Variants in ITGA6 observed in about 807,000 individuals in gnomAD.
ITGA6 encodes integrin alpha-6.
A neutral mutation model predicts 133.6 loss-of-function variants in ITGA6; 63 were observed. That is an observed-to-expected ratio of 0.47 (90% CI 0.38 to 0.58). ITGA6 has a LOEUF of 0.58. ITGA6 is among the 20% of genes least tolerant of loss of function. The pLI is 0.00. For missense variants in ITGA6, 1,068 were observed against 1,309.4 expected, an observed-to-expected ratio of 0.82 and a Z score of 2.85; for synonymous variants, 434 against 482.0, an observed-to-expected ratio of 0.90 and a Z score of 1.30.
chr2:172,428,083 G>A (rs567954192), intron 1 of ITGA6, 113 bp downstream of exon 1: 2 of 1,063,158 alleles, frequency 1.9e-6, no homozygotes, highest in South Asian at 3.0e-5. Flanking sequence ...CGTGGGTCGC[G>A]CCCGGGCCGG....
In ITGA6 at chr2:172,504,090, G is replaced by C. The variant is rs570744293; in HGVS notation, c.*23-1G>C. On this transcript the variant is annotated splice_acceptor_variant, in intron 25 of 25. Transcript: ENST00000684293. LOFTEE classifies it low-confidence loss of function (3UTR_SPLICE). ...TCTCTTTCTCTTTCCCTCTTCTCTA[G>C]TGTGGATTCTTTAAACGCTCTAGGT... The C allele has an allele frequency of 6.3e-7, 1 of 1,576,208 alleles. No homozygotes were observed. Among genetic ancestry groups the C allele is most frequent in the South Asian group, 1.2e-5 (1 of 84,004 alleles).
intron 1 of ITGA6, among the ~76,000 whole-genome samples, chr2:172,435,590 C>T (rs964272445): frequency 2.0e-5 from 3 of 149,446 alleles, no homozygotes; most frequent in Admixed American, 6.7e-5. Context: ...AGCTTTGCCA[C>T]GACACAAAAC....
chr2:172,456,378 C>T (rs12995911), intron 1 of ITGA6, among the ~76,000 whole-genome samples: 1,701 of 152,280 alleles, frequency 0.011, 9 homozygotes, highest in Non-Finnish European at 0.017. Flanking sequence ...AGATTTGAAG[C>T]GTGGTGCTGT....
chr2:172,448,069 A>T (rs767325871), intron 1 of ITGA6, among the ~76,000 whole-genome samples: 2 of 152,132 alleles, frequency 1.3e-5, no homozygotes, highest in Non-Finnish European at 2.9e-5. Context: ...TCACTAGAAA[A>T]TGGGTTTAGT....
chr2:172,483,472 G>A (rs1686536623), intron 11 of ITGA6, among the ~76,000 whole-genome samples: 1 of 152,152 alleles, frequency 6.6e-6, no homozygotes, highest in African/African-American at 2.4e-5. Flanking sequence ...CCTGGAGATT[G>A]CCTTCTCCAG....
At chr2:172,498,986 A>C (rs1356998852) in intron 24 of ITGA6, among the ~76,000 whole-genome samples, 3 of 152,190 alleles carry the variant, frequency 2.0e-5, no homozygotes, top group Non-Finnish European at 4.4e-5. Context: ...TATGCAGTGC[A>C]TTACTCATTT....
chr2:172,447,262 C>T (rs1289383605), intron 1 of ITGA6, among the ~76,000 whole-genome samples: 1 of 151,946 alleles, frequency 6.6e-6, no homozygotes, highest in Non-Finnish European at 1.5e-5. Context: ...ACTCTGTCGT[C>T]CAGACTGGAG....
intron 1 of ITGA6, among the ~76,000 whole-genome samples, chr2:172,438,247 C>T (rs1684405299): frequency 6.6e-6 from 1 of 151,616 alleles, no homozygotes; most frequent in Non-Finnish European, 1.5e-5. Flanking sequence ...TGTGACCTCA[C>T]CAACTGAGTA....
rs150175949 is a variant in ITGA6 at position 172,455,711 on chromosome 2, T to C, written c.183-9828T>C. Among the ~76,000 whole-genome samples the C allele has an allele frequency of 3.9e-3, 596 of 152,384 alleles. 6 individuals carry two copies. The highest frequency in any genetic ancestry group is 0.017 in the Middle Eastern group (5 of 294). ...GAATACAATAATAGTTGCTGAAGCC[T>C]AGCTCATTACTGCTGGATAGAACCT... On this transcript the variant is annotated intron_variant, in intron 1 of 25. Coordinates refer to ENST00000684293, the MANE Select transcript of ITGA6 (RefSeq NM_000210.4).
Position 172,487,426 on chromosome 2 carries a change from T to C in ITGA6, c.2133T>C (p.Ser711=), listed in dbSNP as rs775173277. The change falls in exon 15 of 26, where the codon TCT becomes TCC. Residue 711 remains serine (S), a synonymous_variant. Coordinates refer to ENST00000684293, the MANE Select transcript of ITGA6 (RefSeq NM_000210.4). ...CGTTTCCAGACACTTTAACCTATTC[T>C]GCATATAGAGAACTGAGGGCTTTCC... ...IATFPDTLTY[S]AYRELRAFPE... is the part of the protein sequence containing the mutation. 1.1e-5 allele frequency: 17 copies of C among 1,614,132 alleles called. No individual in the cohort carries two copies. In the East Asian group the frequency reaches 3.8e-4, roughly 36 times the overall value.
At chr2:172,500,194 G>A in intron 24 of ITGA6, among the ~76,000 whole-genome samples, 1 of 151,650 alleles carries the variant, frequency 6.6e-6, no homozygotes, top group Non-Finnish European at 1.5e-5. Flanking sequence ...AGTTCAGATT[G>A]TATCCATTTT....
At chr2:172,502,841 C>T (rs117718034) in intron 25 of ITGA6, among the ~76,000 whole-genome samples, 1 of 152,314 alleles carries the variant, frequency 6.6e-6, no homozygotes, top group East Asian at 1.9e-4. Context: ...CTTTCCATGG[C>T]ACTATCACAG....
At chr2:172,436,446 C>T (rs1485856452) in intron 1 of ITGA6, among the ~76,000 whole-genome samples, 3 of 152,126 alleles carry the variant, frequency 2.0e-5, no homozygotes, top group Non-Finnish European at 4.4e-5. Context: ...TGTGGAGAGG[C>T]GTTGTGAGGA....
At position 172,480,060 on chromosome 2, in the gene ITGA6, C is replaced by CTA; in HGVS notation, c.1549+10_1549+11dup. The CTA allele has an allele frequency of 6.8e-7, 1 of 1,463,732 alleles. No individual in the cohort carries two copies. The highest frequency in any genetic ancestry group is 9.6e-7 in the Non-Finnish European group (1 of 1,043,148). 90.7% of individuals were successfully genotyped at this position (1,463,732 alleles called of 1,614,324 possible). ...TTATAATCCTTCAATATGTAAGTAC[C>CTA]TAGTACCTTTAAAATATGTCTACTT... On this transcript the variant is annotated intron_variant, in intron 11 of 25. Transcript: ENST00000684293.
rs200482543 is a variant in ITGA6 at position 172,487,148 on chromosome 2, G to A, written c.1970+10G>A. 1.2e-4 allele frequency: 184 copies of A among 1,543,178 alleles called. No homozygotes were observed. The East Asian group carries it at 4.0e-3, about 34-fold the overall frequency. On this transcript the variant is annotated intron_variant, in intron 14 of 25. Transcript: ENST00000684293. ...TTTCTTATTTACCAATGTAAGAATC[G>A]TTGTGTAGCACTAGCAAAAATGATT...
chr2:172,484,805 G>T lies in ITGA6; in HGVS notation c.1573G>T (p.Glu525Ter). The change falls in exon 12 of 26, where the codon GAA (glutamate) becomes TAA (stop). Residue 525 changes from glutamate (E) to a stop codon, truncating the protein, a stop_gained. Coordinates refer to ENST00000684293, the MANE Select transcript of ITGA6 (RefSeq NM_000210.4). LOFTEE classifies it high-confidence loss of function. ...AGCAATTGTGGGCACACTTGAAGCT[G>T]AAAAAGAAAGAAGAAAATCTGGGCT... ...SISIVGTLEA[E>*]KERRKSGLSS... 1 of 1,614,106 alleles carries T rather than the reference G, an allele frequency of 6.2e-7. No homozygotes were observed. Among genetic ancestry groups the T allele is most frequent in the Non-Finnish European group, 8.5e-7 (1 of 1,179,994 alleles).
At chr2:172,443,486 G>A (rs964467267) in intron 1 of ITGA6, among the ~76,000 whole-genome samples, 2 of 152,090 alleles carry the variant, frequency 1.3e-5, no homozygotes, top group African/African-American at 4.8e-5. Context: ...TAATGGTCAC[G>A]GCTGATTCTG....
At chr2:172,442,742 G>A (rs914344783) in intron 1 of ITGA6, among the ~76,000 whole-genome samples, 2 of 152,170 alleles carry the variant, frequency 1.3e-5, no homozygotes, top group Admixed American at 6.5e-5. Flanking sequence ...CTTTACTGAT[G>A]TGTTGTCATG....
At chr2:172,498,817 T>G (rs1559158009) in intron 24 of ITGA6, among the ~76,000 whole-genome samples, 1 of 152,212 alleles carries the variant, frequency 6.6e-6, no homozygotes, top group African/African-American at 2.4e-5. Flanking sequence ...CAGTCCCTTA[T>G]CTGCCATTCC....
Sources: allele counts gnomAD v4.1 joint callset (sites outside exome capture counted in the v4.1 genomes callset), GRCh38; gene constraint gnomAD v4.1.1; transcripts MANE v1.5; gene names NCBI Gene and HGNC (gene_info 2026-07-23, HGNC 2026-07-21).